The following RALYL variants were observed in gnomAD, a reference collection of about 807,000 sequenced individuals.
The protein encoded by RALYL is RNA-binding Raly-like protein.
A neutral mutation model predicts 35.1 loss-of-function variants in RALYL; 29 were observed. That is an observed-to-expected ratio of 0.83 (90% CI 0.61 to 1.13). The LOEUF (loss-of-function observed/expected upper bound fraction) is 1.13, where lower values mean the gene tolerates loss of function less well. RALYL is among the 50% of genes most tolerant of loss of function. RALYL has a pLI of 0.00. For missense variants in RALYL, 359 were observed against 360.4 expected (o/e 1.00, Z 0.03); for synonymous variants, 120 against 127.6 (o/e 0.94, Z 0.40).
At chr8:84,429,928 C>T (rs1382167430) in intron 1 of RALYL, among the ~76,000 whole-genome samples, 1 of 151,826 alleles carries the variant, frequency 6.6e-6, no homozygotes, top group African/African-American at 2.4e-5. Flanking sequence ...CGTATTGCCC[C>T]TCTGCCCAGT....
At chr8:84,815,559 G>A (rs1827021357) in intron 4 of RALYL, among the ~76,000 whole-genome samples, 1 of 151,028 alleles carries the variant, frequency 6.6e-6, no homozygotes, top group Non-Finnish European at 1.5e-5. Context: ...AAGCAACCTT[G>A]TTTTTTAATG....
chr8:84,905,278 A>G (rs958966727), intron 8 of RALYL, among the ~76,000 whole-genome samples: 1 of 152,190 alleles, frequency 6.6e-6, no homozygotes, highest in East Asian at 1.9e-4. Context: ...AGGCTAAATA[A>G]TATTTCCTTG....
intron 2 of RALYL, among the ~76,000 whole-genome samples, chr8:84,543,008 C>A (rs551701038): frequency 2.0e-5 from 3 of 152,200 alleles, no homozygotes; most frequent in Non-Finnish European, 4.4e-5. Flanking sequence ...AGAACAAAAT[C>A]ATTTGTCCTA....
At chr8:84,736,389 A>T (rs988537844) in intron 2 of RALYL, among the ~76,000 whole-genome samples, 1 of 152,156 alleles carries the variant, frequency 6.6e-6, no homozygotes, top group African/African-American at 2.4e-5. Context: ...AAACAAGTAA[A>T]GGACAACATA....
chr8:84,921,018 A>G lies in RALYL; in HGVS notation c.*107A>G. 1 of 573,860 alleles carries G rather than the reference A, an allele frequency of 1.7e-6. No homozygotes were observed. The highest frequency in any genetic ancestry group is 3.3e-5 in the East Asian group (1 of 29,866). 35.5% of individuals were successfully genotyped at this position (573,860 alleles called of 1,614,324 possible). ...GACAGCAGCATCTTTGGTTCAATTT[A>G]TATAAAAACCCAAATAAATAAAATG... On this transcript the variant is annotated 3_prime_UTR_variant, in exon 9 of 9. Transcript: ENST00000521268.
At chr8:84,559,147 TTTTA>T (rs1342600236) in intron 2 of RALYL, among the ~76,000 whole-genome samples, 1 of 152,036 alleles carries the variant, frequency 6.6e-6, no homozygotes, top group East Asian at 1.9e-4. Flanking sequence ...GAGTGATATT[TTTTA>T]TTTATTTGGG....
intron 2 of RALYL, among the ~76,000 whole-genome samples, chr8:84,617,179 G>C (rs1307250933): frequency 6.6e-6 from 1 of 150,644 alleles, no homozygotes; most frequent in African/African-American, 2.5e-5. Context: ...AAATTACCTT[G>C]GGCAGTATGG....
At chr8:84,805,990 A>C (rs1824506526) in intron 4 of RALYL, among the ~76,000 whole-genome samples, 1 of 152,196 alleles carries the variant, frequency 6.6e-6, no homozygotes, top group Admixed American at 6.5e-5. Flanking sequence ...AATGACCAGA[A>C]ACATGGAATG....
rs6985456 is a variant in RALYL, at chr8:84,290,429, G to A, written c.-24+106005G>A. Among the ~76,000 whole-genome samples, 628 of 151,782 alleles carry A rather than the reference G, an allele frequency of 4.1e-3. 6 individuals are homozygous for A. The highest frequency in any genetic ancestry group is 0.014 in the African/African-American group (577 of 41,328). ...AGCAAAGGGAGATAAGGGTGGGGCC[G>A]TTTTATAGGATTTGGGTAGGTAAAG... On this transcript the variant is annotated intron_variant, in intron 1 of 8. Transcript: ENST00000521268.
intron 6 of RALYL, among the ~76,000 whole-genome samples, chr8:84,863,571 T>C (rs1838552032): frequency 6.6e-6 from 1 of 152,202 alleles, no homozygotes; most frequent in South Asian, 2.1e-4. Context: ...CAGAAAGTCA[T>C]ATAGCTAATA....
intron 1 of RALYL, among the ~76,000 whole-genome samples, chr8:84,337,317 C>G (rs1847976884): frequency 6.6e-6 from 1 of 150,402 alleles, no homozygotes; most frequent in African/African-American, 2.5e-5. Flanking sequence ...AATATAGCTT[C>G]AGGAATGAAT....
intron 1 of RALYL, among the ~76,000 whole-genome samples, chr8:84,317,330 T>A (rs1335047682): frequency 1.3e-5 from 2 of 152,166 alleles, no homozygotes; most frequent in East Asian, 3.9e-4. Context: ...TCTGAATAGA[T>A]GATCAGAGGC....
At chr8:84,744,564 T>C (rs1449002586) in intron 2 of RALYL, among the ~76,000 whole-genome samples, 1 of 152,008 alleles carries the variant, frequency 6.6e-6, no homozygotes, top group Non-Finnish European at 1.5e-5. Flanking sequence ...AATTATACAG[T>C]AGTCTCATTG....
chr8:84,295,913 C>T (rs978227233), intron 1 of RALYL, among the ~76,000 whole-genome samples: 3 of 152,056 alleles, frequency 2.0e-5, no homozygotes, highest in Non-Finnish European at 4.4e-5. Context: ...CTTTTGCTGA[C>T]TGTGGAAGGG....
At chr8:84,242,695 T>A (rs1023431818) in intron 1 of RALYL, among the ~76,000 whole-genome samples, 2 of 152,218 alleles carry the variant, frequency 1.3e-5, no homozygotes, top group African/African-American at 4.8e-5. Flanking sequence ...TGTTTTTTAC[T>A]TGTAAATTTG....
At chr8:84,809,778 C>T (rs989028143) in intron 4 of RALYL, among the ~76,000 whole-genome samples, 1 of 151,970 alleles carries the variant, frequency 6.6e-6, no homozygotes, top group African/African-American at 2.4e-5. Context: ...TAAAGGTGTT[C>T]ACAGTAGCCT....
chr8:84,358,451 C>T (rs1342405341), intron 1 of RALYL, among the ~76,000 whole-genome samples: 1 of 151,832 alleles, frequency 6.6e-6, no homozygotes, highest in Non-Finnish European at 1.5e-5. Flanking sequence ...ACTAGGAATA[C>T]ATGAAACGAT....
At chr8:84,873,027 C>T (rs1006494760) in intron 6 of RALYL, 18 of 323,238 alleles carry the variant, frequency 5.6e-5, no homozygotes, top group South Asian at 1.2e-4. Context: ...TTCTTAATTC[C>T]GTTATCCATT....
intron 8 of RALYL, chr8:84,906,917 G>C: frequency 2.0e-6 from 2 of 982,388 alleles, no homozygotes; most frequent in Non-Finnish European, 2.4e-6. Context: ...CTAAACCTTC[G>C]CTGTCTTTAG....
Sources: allele counts gnomAD v4.1 joint callset (sites outside exome capture counted in the v4.1 genomes callset), GRCh38; gene constraint gnomAD v4.1.1; transcripts MANE v1.5; gene names NCBI Gene and HGNC (gene_info 2026-07-23, HGNC 2026-07-21).